Variants in NUBPL observed in about 807,000 individuals in gnomAD.
NUBPL encodes the protein NUBP iron-sulfur cluster assembly factor, mitochondrial.
NUBPL carries 31 observed loss-of-function variants against 45.7 expected under a neutral mutation model. The ratio of observed to expected loss-of-function variants is 0.68; its 90% CI spans 0.51 to 0.92. The LOEUF is 0.92. NUBPL is among the 40% of genes least tolerant of loss of function. NUBPL has a pLI of 0.00. For synonymous variants in NUBPL, 144 were observed against 140.9 expected (o/e 1.02, Z -0.15); for missense variants, 401 against 398.7 (o/e 1.01, Z -0.05).
intron 7 of NUBPL, among the ~76,000 whole-genome samples, chr14:31,805,876 C>T (rs2039675281): frequency 6.6e-6 from 1 of 151,952 alleles, no homozygotes; most frequent in Admixed American, 6.6e-5. Context: ...ACCTATATAA[C>T]AAAACTTCAC....
chr14:31,637,090 C>T (rs2035526710), intron 4 of NUBPL, among the ~76,000 whole-genome samples: 1 of 152,172 alleles, frequency 6.6e-6, no homozygotes, highest in Non-Finnish European at 1.5e-5. Context: ...CTATTTCCTT[C>T]AGTTCTGCTC....
At chr14:31,752,243 A>G (rs2038548085) in intron 6 of NUBPL, among the ~76,000 whole-genome samples, 3 of 152,162 alleles carry the variant, frequency 2.0e-5, no homozygotes, top group Non-Finnish European at 2.9e-5. Context: ...CACATCATCA[A>G]ACTGCAAATT....
rs190117318 is a variant in NUBPL, at chr14:31,668,951, C to T, written c.383-4404C>T. ...AATATCCTGCCTTCTGCATTGGTCT[C>T]GCTGGGAGCTGCAGACCAGAACTGT... On this transcript the variant is annotated intron_variant, in intron 4 of 10. Coordinates refer to ENST00000281081, the MANE Select transcript of NUBPL (RefSeq NM_025152.3). Among the ~76,000 whole-genome samples, 311 of 152,296 alleles carry T rather than the reference C, an allele frequency of 2.0e-3. 1 individual carries two copies. Among genetic ancestry groups the T allele is most frequent in the African/African-American group, 6.7e-3 (280 of 41,568 alleles).
intron 6 of NUBPL, among the ~76,000 whole-genome samples, chr14:31,741,092 A>G (rs2038273587): frequency 6.6e-6 from 1 of 152,192 alleles, no homozygotes; most frequent in Admixed American, 6.5e-5. Flanking sequence ...TTCCAGTATT[A>G]TTGCCATGTC....
At chr14:31,700,122 T>G (rs1439939053) in intron 6 of NUBPL, among the ~76,000 whole-genome samples, 3 of 152,210 alleles carry the variant, frequency 2.0e-5, no homozygotes, top group African/African-American at 7.2e-5. Context: ...TATACAGTAT[T>G]CATTATTTGG....
chr14:31,593,545 G>A (rs1306404911), intron 3 of NUBPL, among the ~76,000 whole-genome samples: 1 of 150,580 alleles, frequency 6.6e-6, no homozygotes. Context: ...AAAGAGTGAG[G>A]GTTTTGGTAT....
intron 4 of NUBPL, among the ~76,000 whole-genome samples, chr14:31,639,743 G>A (rs956914926): frequency 6.6e-6 from 1 of 152,184 alleles, no homozygotes; most frequent in Non-Finnish European, 1.5e-5. Context: ...CACCCAGTTC[G>A]AGCTTCCTGG....
intron 4 of NUBPL, among the ~76,000 whole-genome samples, chr14:31,639,932 G>T (rs948553424): frequency 2.0e-5 from 3 of 152,110 alleles, no homozygotes; most frequent in South Asian, 4.1e-4. Flanking sequence ...TTTTAAGCCC[G>T]TTGGAAAAGC....
At chr14:31,810,198 T>C (rs1201108807) in intron 7 of NUBPL, among the ~76,000 whole-genome samples, 1 of 152,178 alleles carries the variant, frequency 6.6e-6, no homozygotes, top group Non-Finnish European at 1.5e-5. Context: ...TGTTGATCTG[T>C]CTAATGTTGA....
At chr14:31,826,592 A>G (rs770279665) in intron 7 of NUBPL, 37 bp from the exon 8 acceptor site, 1 of 1,571,228 alleles carries the variant, frequency 6.4e-7, no homozygotes, top group East Asian at 2.2e-5. Flanking sequence ...TCCATAGAGA[A>G]TTAAAAGATA....
rs1398909015 is a variant in NUBPL, at chr14:31,777,789, G to A, written c.514-9991G>A. The stretch of plus-strand genomic sequence containing the variant: ...TACCCAGATACAGCAGCAAGTATTA[G>A]CGATAGCAGAAACACCACCCTGTGC... On this transcript the variant is annotated intron_variant, in intron 6 of 10. Coordinates refer to ENST00000281081, the MANE Select transcript of NUBPL (RefSeq NM_025152.3). 2.0e-5 allele frequency among the ~76,000 whole-genome samples: 3 copies of A among 152,160 alleles called. No homozygotes were observed. The East Asian group carries it at 5.8e-4, about 29-fold the overall frequency.
chr14:31,781,765 A>G (rs1000621654), intron 6 of NUBPL, among the ~76,000 whole-genome samples: 16 of 152,224 alleles, frequency 1.1e-4, no homozygotes, highest in African/African-American at 3.9e-4. Context: ...TAAAATTTCT[A>G]TTTATTAACC....
At chr14:31,830,501 G>A (rs1270682783) in intron 8 of NUBPL, among the ~76,000 whole-genome samples, 2 of 152,096 alleles carry the variant, frequency 1.3e-5, no homozygotes, top group Non-Finnish European at 2.9e-5. Flanking sequence ...TGCCTGATAA[G>A]CCATGGCCAA....
At chr14:31,822,548 G>A (rs2040035069) in intron 7 of NUBPL, among the ~76,000 whole-genome samples, 1 of 152,092 alleles carries the variant, frequency 6.6e-6, no homozygotes, top group Non-Finnish European at 1.5e-5. Flanking sequence ...ATTTATGTGT[G>A]AGCCAGTTAT....
At chr14:31,591,462 A>G (rs1037138015) in intron 3 of NUBPL, among the ~76,000 whole-genome samples, 1 of 152,094 alleles carries the variant, frequency 6.6e-6, no homozygotes, top group Non-Finnish European at 1.5e-5. Flanking sequence ...GCGCCCAGCC[A>G]TATTTTTTAA....
chr14:31,741,077 G>A (rs2038273457), intron 6 of NUBPL, among the ~76,000 whole-genome samples: 2 of 152,158 alleles, frequency 1.3e-5, no homozygotes, highest in Admixed American at 1.3e-4. Flanking sequence ...TGTCTGGTCT[G>A]ATAATTCCAG....
intron 6 of NUBPL, among the ~76,000 whole-genome samples, chr14:31,728,303 A>C (rs932833260): frequency 1.3e-5 from 2 of 151,820 alleles, no homozygotes; most frequent in African/African-American, 4.8e-5. Context: ...TTGTATTATA[A>C]ATTTATTTAT....
intron 2 of NUBPL, chr14:31,563,033 TA>T (rs2033341657): frequency 6.5e-6 from 1 of 152,776 alleles, no homozygotes; most frequent in South Asian, 2.1e-4. Context: ...TACTATTTGA[TA>T]GATACCATAT....
chr14:31,847,145 G>A (rs1003828906), intron 9 of NUBPL, among the ~76,000 whole-genome samples: 6 of 152,144 alleles, frequency 3.9e-5, no homozygotes, highest in African/African-American at 1.4e-4. Context: ...TGAGAATAGA[G>A]TTTTGTAGTC....
Sources: allele counts gnomAD v4.1 joint callset (sites outside exome capture counted in the v4.1 genomes callset), GRCh38; gene constraint gnomAD v4.1.1; transcripts MANE v1.5; gene names NCBI Gene and HGNC (gene_info 2026-07-23, HGNC 2026-07-21).